The following ANGPT1 variants were observed in gnomAD, a reference collection of about 807,000 sequenced individuals.
The protein encoded by ANGPT1 is angiopoietin 1.
ANGPT1 carries 17 observed loss-of-function variants against 62.2 expected under a neutral mutation model. The observed-to-expected ratio is 0.27, with a 90% CI of 0.19 to 0.41. The LOEUF (loss-of-function observed/expected upper bound fraction) is 0.41. Ranked by LOEUF, ANGPT1 falls within the 10% of genes least tolerant of loss-of-function variation. ANGPT1 has a pLI of 1.00. For missense variants in ANGPT1, 478 were observed against 594.9 expected, an observed-to-expected ratio of 0.80 and a Z score of 2.04; for synonymous variants, 199 against 198.9, an observed-to-expected ratio of 1.00 and a Z score of 0.00.
At chr8:107,390,038 T>C (rs576801646) in intron 1 of ANGPT1, among the ~76,000 whole-genome samples, 62 of 152,212 alleles carry the variant, frequency 4.1e-4, no homozygotes, top group African/African-American at 1.5e-3. Context: ...ATTATGAATT[T>C]CAAAGCCTGT....
chr8:107,354,929 T>A (rs1200595231), intron 1 of ANGPT1, among the ~76,000 whole-genome samples: 3 of 151,874 alleles, frequency 2.0e-5, no homozygotes, highest in Non-Finnish European at 4.4e-5. Context: ...TTTTTTTTTT[T>A]TTTGAGAGGG....
chr8:107,464,233 G>A (rs572909865), intron 1 of ANGPT1, among the ~76,000 whole-genome samples: 3 of 152,210 alleles, frequency 2.0e-5, no homozygotes, highest in South Asian at 4.2e-4. Flanking sequence ...TACACATATA[G>A]TATTTGAAAT....
intron 1 of ANGPT1, among the ~76,000 whole-genome samples, chr8:107,374,899 C>T (rs1240558771): frequency 6.6e-6 from 1 of 152,148 alleles, no homozygotes; most frequent in Non-Finnish European, 1.5e-5. Flanking sequence ...CGGTGGCTCA[C>T]GCCTGTAATC....
In ANGPT1 at chr8:107,251,756, G is replaced by A. The variant is rs1813252396; in HGVS notation, c.*99C>T. 3 of 1,413,580 alleles carry A rather than the reference G, an allele frequency of 2.1e-6. No individual in the cohort carries two copies. The highest frequency in any genetic ancestry group is 2.9e-6 in the Non-Finnish European group (3 of 1,027,682). 87.6% of individuals were successfully genotyped at this position (1,413,580 alleles called of 1,614,324 possible). On this transcript the variant is annotated 3_prime_UTR_variant, in exon 9 of 9. Transcript: ENST00000517746. ...AACTACCACTTATTGCTGGAAGGGA[G>A]ACAATATTGTTTGCTTCTGAAGTTT...
At chr8:107,420,823 C>T (rs1262476538) in intron 1 of ANGPT1, among the ~76,000 whole-genome samples, 2 of 151,890 alleles carry the variant, frequency 1.3e-5, no homozygotes, top group Non-Finnish European at 2.9e-5. Flanking sequence ...GTTTTTTTAG[C>T]TCTAAAAGTA....
At chr8:107,301,968 T>C (rs1209378046) in intron 5 of ANGPT1, among the ~76,000 whole-genome samples, 1 of 151,906 alleles carries the variant, frequency 6.6e-6, no homozygotes, top group Non-Finnish European at 1.5e-5. Flanking sequence ...ATTCATTTCC[T>C]TTGCCTATCA....
chr8:107,474,329 A>G (rs940527906), intron 1 of ANGPT1, among the ~76,000 whole-genome samples: 4 of 152,216 alleles, frequency 2.6e-5, no homozygotes, highest in Non-Finnish European at 4.4e-5. Flanking sequence ...ACCAAAGACA[A>G]AAACCACATG....
chr8:107,336,079 A>T, intron 3 of ANGPT1, 71 bp downstream of exon 3: 2 of 1,416,226 alleles, frequency 1.4e-6, no homozygotes, highest in Middle Eastern at 2.2e-4. Context: ...TATTTGTTTA[A>T]GAGTTGGCAG....
intron 1 of ANGPT1, among the ~76,000 whole-genome samples, chr8:107,401,529 A>T (rs1219182202): frequency 6.6e-6 from 1 of 152,214 alleles, no homozygotes; most frequent in African/African-American, 2.4e-5. Context: ...TACACTAAAG[A>T]TCTGAAGTGA....
chr8:107,274,263 A>C (rs1193363941), intron 7 of ANGPT1, among the ~76,000 whole-genome samples: 1 of 152,162 alleles, frequency 6.6e-6, no homozygotes, highest in East Asian at 1.9e-4. Context: ...AAATAAAACA[A>C]CTGGCATAGT....
intron 4 of ANGPT1, among the ~76,000 whole-genome samples, chr8:107,306,564 A>G (rs1026550807): frequency 2.6e-5 from 4 of 152,144 alleles, no homozygotes; most frequent in African/African-American, 9.7e-5. Flanking sequence ...AATGTCATGC[A>G]TAGATATTAT....
intron 1 of ANGPT1, among the ~76,000 whole-genome samples, chr8:107,464,035 A>G (rs1812138822): frequency 6.6e-6 from 1 of 152,194 alleles, no homozygotes; most frequent in African/African-American, 2.4e-5. Flanking sequence ...GGCAATAATT[A>G]CATACGTGAG....
chr8:107,333,988 GGGAGGGAGGGAAGGAA>G (rs1563573942), intron 3 of ANGPT1, among the ~76,000 whole-genome samples: 8 of 54,158 alleles, frequency 1.5e-4, no homozygotes. Flanking sequence ...GAGGGAGGGA[GGGAGGGAGGGAAGGAA>G]GGAAGGAAGG....
intron 1 of ANGPT1, among the ~76,000 whole-genome samples, chr8:107,368,465 A>G (rs1188627230): frequency 6.8e-6 from 1 of 146,456 alleles, no homozygotes; most frequent in African/African-American, 2.5e-5. Flanking sequence ...CCTTATACTT[A>G]TTTATAAGTA....
chr8:107,381,911 T>C (rs1006221836), intron 1 of ANGPT1, among the ~76,000 whole-genome samples: 10 of 152,212 alleles, frequency 6.6e-5, no homozygotes, highest in Non-Finnish European at 1.2e-4. Flanking sequence ...TTTCCTGCTC[T>C]TTGCCTATTC....
At chr8:107,353,979 A>G (rs2445356) in intron 1 of ANGPT1, among the ~76,000 whole-genome samples, 21,242 of 152,138 alleles carry the variant, frequency 0.14, 1,734 homozygotes, top group East Asian at 0.37. Context: ...CCACTGAGGC[A>G]TATATAGAAG....
chr8:107,368,304 CT>C (rs113439315), intron 1 of ANGPT1, among the ~76,000 whole-genome samples: 3,003 of 152,042 alleles, frequency 0.02, 119 homozygotes, highest in African/African-American at 0.068. Context: ...AGCAGTAAGT[CT>C]CAAAAGTGGG....
intron 1 of ANGPT1, among the ~76,000 whole-genome samples, chr8:107,439,605 CTAATA>C (rs1384192808): frequency 6.6e-6 from 1 of 152,114 alleles, no homozygotes; most frequent in Non-Finnish European, 1.5e-5. Context: ...AATTCCTGTT[CTAATA>C]TGAGACAGAA....
chr8:107,490,302 A>G (rs140388968), intron 1 of ANGPT1, among the ~76,000 whole-genome samples: 1 of 152,260 alleles, frequency 6.6e-6, no homozygotes, highest in Non-Finnish European at 1.5e-5. Context: ...CACATAGCAC[A>G]GAAGATCCTG....
Sources: gnomAD v4.1 joint callset for allele counts (sites outside exome capture counted in the v4.1 genomes callset) on GRCh38, gnomAD v4.1.1 for gene constraint, MANE v1.5 for transcripts, NCBI Gene and HGNC (gene_info 2026-07-23, HGNC 2026-07-21) for gene names.